The following PDZRN4 variants were observed in gnomAD, a reference collection of about 807,000 sequenced individuals.
PDZRN4 encodes the protein PDZ domain containing ring finger 4, also known as PDZ domain-containing RING finger protein 4.
In PDZRN4, 70 loss-of-function variants were observed where a neutral mutation model predicts 99.0. The observed-to-expected ratio is 0.71, with a 90% CI of 0.58 to 0.86. The LOEUF (loss-of-function observed/expected upper bound fraction) is 0.86. Ranked by LOEUF, PDZRN4 falls within the 40% of genes least tolerant of loss-of-function variation. The pLI is 0.00. For missense variants in PDZRN4, 1,474 were observed against 1,331.2 expected (o/e 1.11, Z -1.67); for synonymous variants, 551 against 501.6 (o/e 1.10, Z -1.32).
rs149668867 is a variant in PDZRN4, at chr12:41,419,098, G to A, written c.844-87358G>A. Among the ~76,000 whole-genome samples, 570 of 152,256 alleles carry A rather than the reference G, an allele frequency of 3.7e-3. 3 individuals are homozygous for A. The highest frequency in any genetic ancestry group is 0.013 in the African/African-American group (547 of 41,548). ...TGAAAGAGAAATCCTTTGTTAAATG[G>A]ACTTTAGCAATAACCCTGTATTAGG... is the stretch of plus-strand genomic sequence containing the variant. On this transcript the variant is annotated intron_variant, in intron 3 of 9. Transcript: ENST00000402685.
At chr12:41,358,350 T>C (rs1297591358) in intron 3 of PDZRN4, among the ~76,000 whole-genome samples, 1 of 152,030 alleles carries the variant, frequency 6.6e-6, no homozygotes, top group Non-Finnish European at 1.5e-5. Flanking sequence ...TATTAAACTC[T>C]ATTTTCTTAT....
intron 3 of PDZRN4, among the ~76,000 whole-genome samples, chr12:41,325,060 T>C (rs1951701510): frequency 6.6e-6 from 1 of 152,164 alleles, no homozygotes; most frequent in Admixed American, 6.5e-5. Context: ...AATATCTCTC[T>C]TAAACTGTGG....
At chr12:41,471,210 G>A (rs928585381) in intron 3 of PDZRN4, among the ~76,000 whole-genome samples, 2 of 152,190 alleles carry the variant, frequency 1.3e-5, no homozygotes, top group Non-Finnish European at 2.9e-5. Context: ...ATGAAAGTAT[G>A]CAAATGGAGA....
chr12:41,232,110 G>T (rs1473378719), intron 3 of PDZRN4, among the ~76,000 whole-genome samples: 2 of 151,986 alleles, frequency 1.3e-5, no homozygotes, highest in East Asian at 3.9e-4. Context: ...ACATGTTGTA[G>T]AATGCCATCT....
At chr12:41,546,888 C>T (rs1938962827) in intron 5 of PDZRN4, among the ~76,000 whole-genome samples, 1 of 152,114 alleles carries the variant, frequency 6.6e-6, no homozygotes, top group Non-Finnish European at 1.5e-5. Flanking sequence ...TATGAATGTC[C>T]TCTTCTACAC....
chr12:41,463,463 G>T (rs769304672), intron 3 of PDZRN4, among the ~76,000 whole-genome samples: 5 of 151,954 alleles, frequency 3.3e-5, no homozygotes, highest in African/African-American at 7.3e-5. Flanking sequence ...CTTGGAAAAA[G>T]AGAAGGAACC....
intron 3 of PDZRN4, among the ~76,000 whole-genome samples, chr12:41,262,981 TCTCA>T (rs1358939288): frequency 2.7e-5 from 4 of 146,188 alleles, no homozygotes; most frequent in Non-Finnish European, 5.9e-5. Flanking sequence ...ATAAAATATA[TCTCA>T]CTAACTAAAC....
intron 3 of PDZRN4, among the ~76,000 whole-genome samples, chr12:41,442,369 T>A (rs552773986): frequency 7.2e-5 from 11 of 152,208 alleles, no homozygotes; most frequent in East Asian, 3.9e-4. Context: ...GTTCTTTTTT[T>A]AAAAAAATTA....
intron 4 of PDZRN4, among the ~76,000 whole-genome samples, chr12:41,507,910 C>T (rs1938235870): frequency 6.6e-6 from 1 of 151,932 alleles, no homozygotes; most frequent in Admixed American, 6.6e-5. Context: ...AGTTTATATT[C>T]TACAAGGGGA....
intron 3 of PDZRN4, among the ~76,000 whole-genome samples, chr12:41,202,192 G>A (rs770252272): frequency 9.2e-5 from 14 of 152,090 alleles, no homozygotes; most frequent in South Asian, 2.1e-4. Flanking sequence ...GGATGGCACC[G>A]GAGCCTCTTT....
chr12:41,352,245 A>C (rs747727975), intron 3 of PDZRN4, among the ~76,000 whole-genome samples: 1 of 152,090 alleles, frequency 6.6e-6, no homozygotes, highest in Admixed American at 6.6e-5. Flanking sequence ...CTACACTTTT[A>C]AGAAGCATGG....
In PDZRN4 at chr12:41,255,422, G is replaced by GT. The variant is rs995655348; in HGVS notation, c.843+61242dup. 1.1e-3 allele frequency among the ~76,000 whole-genome samples: 167 copies of GT among 151,434 alleles called. 1 individual carries two copies. The highest frequency in any genetic ancestry group is 3.0e-3 in the African/African-American group (122 of 41,332). Reference sequence around the variant, plus strand: ...CTTAACAGAAAGTTTTGTTTTTTTTGTTTTTTTTGTTTTGTTTTGTTTTGT... The same window carrying GT: ...CTTAACAGAAAGTTTTGTTTTTTTTGTTTTTTTTTGTTTTGTTTTGTTTTGT... On this transcript the variant is annotated intron_variant, in intron 3 of 9. Coordinates refer to ENST00000402685, the MANE Select transcript of PDZRN4 (RefSeq NM_001164595.2).
intron 5 of PDZRN4, among the ~76,000 whole-genome samples, chr12:41,525,946 T>C (rs1323406654): frequency 6.6e-6 from 1 of 152,210 alleles, no homozygotes; most frequent in Admixed American, 6.5e-5. Context: ...TTCTCTGCCA[T>C]TTTTAAAAAA....
intron 5 of PDZRN4, among the ~76,000 whole-genome samples, chr12:41,530,032 G>A (rs1938634887): frequency 6.6e-6 from 1 of 152,182 alleles, no homozygotes; most frequent in Non-Finnish European, 1.5e-5. Flanking sequence ...GCTATCAAGA[G>A]TTGAAATGGG....
At chr12:41,270,475 C>T (rs898447220) in intron 3 of PDZRN4, among the ~76,000 whole-genome samples, 6 of 152,052 alleles carry the variant, frequency 3.9e-5, no homozygotes, top group East Asian at 1.9e-4. Flanking sequence ...AGTCATAAAA[C>T]GCATAGATGG....
intron 3 of PDZRN4, among the ~76,000 whole-genome samples, chr12:41,287,482 T>C (rs1047667122): frequency 6.6e-6 from 1 of 152,212 alleles, no homozygotes; most frequent in Non-Finnish European, 1.5e-5. Flanking sequence ...AATAGGAAAT[T>C]ACTAAATTTG....
At chr12:41,361,939 T>C (rs899267099) in intron 3 of PDZRN4, among the ~76,000 whole-genome samples, 1 of 152,030 alleles carries the variant, frequency 6.6e-6, no homozygotes, top group Admixed American at 6.6e-5. Context: ...CACCAGCTCC[T>C]ACGTGACATT....
At chr12:41,460,048 A>C (rs893454130) in intron 3 of PDZRN4, 1 of 1,285,914 alleles carries the variant, frequency 7.8e-7, no homozygotes, top group Admixed American at 2.3e-5. Context: ...GTTCTGCTTC[A>C]TTAAGCTCCT....
intron 3 of PDZRN4, among the ~76,000 whole-genome samples, chr12:41,440,151 G>A (rs945441699): frequency 1.3e-5 from 2 of 152,096 alleles, no homozygotes; most frequent in South Asian, 2.1e-4. Flanking sequence ...ATTTCTAGCT[G>A]TATATTAAAA....
Sources: gnomAD v4.1 joint callset for allele counts (sites outside exome capture counted in the v4.1 genomes callset) on GRCh38, gnomAD v4.1.1 for gene constraint, MANE v1.5 for transcripts, NCBI Gene and HGNC (gene_info 2026-07-23, HGNC 2026-07-21) for gene names.